Variants in ASCC3 observed in about 807,000 individuals in gnomAD.
ASCC3 encodes ASC-1 complex subunit P200.
A neutral mutation model predicts 256.3 loss-of-function variants in ASCC3; 158 were observed. That is an observed-to-expected ratio of 0.62 (90% CI 0.54 to 0.70). The LOEUF is 0.70. ASCC3 is among the 30% of genes least tolerant of loss of function. The pLI is 0.00. For missense variants in ASCC3, 2,259 were observed against 2,626.0 expected (o/e 0.86, Z 3.05); for synonymous variants, 948 against 883.4 (o/e 1.07, Z -1.30).
chr6:100,613,582 G>A (rs1773517504), intron 30 of ASCC3, among the ~76,000 whole-genome samples: 1 of 152,052 alleles, frequency 6.6e-6, no homozygotes, highest in African/African-American at 2.4e-5. Flanking sequence ...ATCATTTACT[G>A]ATGGATACTT....
chr6:100,815,646 A>G (rs1015721403), intron 4 of ASCC3, among the ~76,000 whole-genome samples: 5 of 152,150 alleles, frequency 3.3e-5, no homozygotes, highest in Non-Finnish European at 5.9e-5. Context: ...GACACAGCCA[A>G]CAAAAACAAG....
chr6:100,615,743 T>G (rs1433018463), intron 30 of ASCC3, among the ~76,000 whole-genome samples: 2 of 152,196 alleles, frequency 1.3e-5, no homozygotes, highest in Non-Finnish European at 2.9e-5. Flanking sequence ...CCTCCTATAT[T>G]GTAACTCAAG....
chr6:100,871,501 G>A (rs1773741585), intron 1 of ASCC3, among the ~76,000 whole-genome samples: 1 of 152,066 alleles, frequency 6.6e-6, no homozygotes, highest in Non-Finnish European at 1.5e-5. Flanking sequence ...AGGCACAGTG[G>A]TTCACACCTG....
intron 11 of ASCC3, 123 bp downstream of exon 11, chr6:100,725,416 T>C (rs1779574526): frequency 8.9e-7 from 1 of 1,121,962 alleles, no homozygotes; most frequent in Non-Finnish European, 1.3e-6. Flanking sequence ...CTTTTAAAAA[T>C]ATGAAGATTA....
chr6:100,674,196 C>G (rs1776895622), intron 14 of ASCC3, among the ~76,000 whole-genome samples: 1 of 151,862 alleles, frequency 6.6e-6, no homozygotes, highest in Non-Finnish European at 1.5e-5. Flanking sequence ...TACAGAAAAT[C>G]TTCTCAAATC....
At chr6:100,581,247 T>C (rs1771235122) in intron 36 of ASCC3, among the ~76,000 whole-genome samples, 1 of 152,166 alleles carries the variant, frequency 6.6e-6, no homozygotes, top group African/African-American at 2.4e-5. Flanking sequence ...GCACCTGTTG[T>C]TTCCTGACTT....
intron 36 of ASCC3, among the ~76,000 whole-genome samples, chr6:100,549,129 G>A (rs1189826522): frequency 6.6e-6 from 1 of 151,792 alleles, no homozygotes; most frequent in East Asian, 1.9e-4. Flanking sequence ...AAATAAGGGG[G>A]GACTGCTGTA....
At chr6:100,523,084 T>C (rs1421443780) in intron 37 of ASCC3, among the ~76,000 whole-genome samples, 1 of 150,822 alleles carries the variant, frequency 6.6e-6, no homozygotes, top group East Asian at 2.0e-4. Flanking sequence ...GTATAATCAG[T>C]AGTATGATTC....
chr6:100,538,758 C>T (rs1028832583), intron 37 of ASCC3, among the ~76,000 whole-genome samples: 11 of 152,004 alleles, frequency 7.2e-5, no homozygotes, highest in Non-Finnish European at 1.2e-4. Flanking sequence ...CAAGCCTTAA[C>T]TTTGCAAATC....
At chr6:100,752,944 T>A (rs1263731679) in intron 10 of ASCC3, among the ~76,000 whole-genome samples, 1 of 152,152 alleles carries the variant, frequency 6.6e-6, no homozygotes, top group Non-Finnish European at 1.5e-5. Context: ...ACTATTTATC[T>A]GCTTATTTTC....
chr6:100,701,453 C>A (rs1467353853), intron 13 of ASCC3, among the ~76,000 whole-genome samples: 1 of 152,134 alleles, frequency 6.6e-6, no homozygotes, highest in East Asian at 1.9e-4. Context: ...ATGTGGAAAT[C>A]TAAGTGCATA....
chr6:100,863,792 T>G (rs1773339310), intron 3 of ASCC3, among the ~76,000 whole-genome samples: 1 of 152,094 alleles, frequency 6.6e-6, no homozygotes, highest in Non-Finnish European at 1.5e-5. Flanking sequence ...GTTTATTTTA[T>G]TTGTATTTTT....
chr6:100,824,660 T>C (rs554970674), intron 4 of ASCC3, among the ~76,000 whole-genome samples: 2 of 152,266 alleles, frequency 1.3e-5, no homozygotes, highest in African/African-American at 4.8e-5. Context: ...TTATCAGTGA[T>C]ATATAAACTA....
intron 36 of ASCC3, 115 bp downstream of exon 36, chr6:100,589,519 T>C (rs1051900506): frequency 1.6e-6 from 2 of 1,264,042 alleles, no homozygotes; most frequent in East Asian, 2.5e-5. Flanking sequence ...AGTGACCTTG[T>C]TTGACAGAGG....
At chr6:100,870,281 T>C (rs1773679163) in intron 1 of ASCC3, among the ~76,000 whole-genome samples, 1 of 151,962 alleles carries the variant, frequency 6.6e-6, no homozygotes, top group Non-Finnish European at 1.5e-5. Flanking sequence ...TGAGAATCGC[T>C]TGAACCTGGG....
intron 3 of ASCC3, among the ~76,000 whole-genome samples, chr6:100,853,203 G>C (rs536452759): frequency 1.3e-5 from 2 of 152,014 alleles, no homozygotes. Context: ...TAAAATCAAA[G>C]AGTTAAATGG....
intron 36 of ASCC3, among the ~76,000 whole-genome samples, chr6:100,574,048 T>C (rs1582473450): frequency 6.6e-6 from 1 of 152,240 alleles, no homozygotes; most frequent in Non-Finnish European, 1.5e-5. Context: ...CATAAAGCTA[T>C]ATTGAGCAGC....
At chr6:100,878,581 A>G (rs1769107361) in intron 1 of ASCC3, among the ~76,000 whole-genome samples, 1 of 152,230 alleles carries the variant, frequency 6.6e-6, no homozygotes, top group African/African-American at 2.4e-5. Context: ...GAACAGACCC[A>G]GCACATATTA....
chr6:100,812,138 A>G (rs931905900), intron 4 of ASCC3, among the ~76,000 whole-genome samples: 1 of 152,218 alleles, frequency 6.6e-6, no homozygotes, highest in African/African-American at 2.4e-5. Flanking sequence ...AAAATAATTT[A>G]GCAAAGTGAT....
Sources: allele counts gnomAD v4.1 joint callset (sites outside exome capture counted in the v4.1 genomes callset), GRCh38; gene constraint gnomAD v4.1.1; transcripts MANE v1.5; gene names NCBI Gene and HGNC (gene_info 2026-07-23, HGNC 2026-07-21).